ABCA10: variants seen among roughly 807,000 people sequenced by gnomAD.
The protein encoded by ABCA10 is ATP-binding cassette sub-family A member 10.
ABCA10 carries 169 observed loss-of-function variants against 187.5 expected under a neutral mutation model. The ratio of observed to expected loss-of-function variants is 0.90; its 90% CI spans 0.80 to 1.02. The LOEUF (loss-of-function observed/expected upper bound fraction) is 1.02. ABCA10 is among the 50% of genes least tolerant of loss of function. ABCA10 has a pLI of 0.00. For missense variants in ABCA10, 1,727 were observed against 1,812.4 expected (o/e 0.95, Z 0.86); for synonymous variants, 574 against 601.8 (o/e 0.95, Z 0.68).
intron 12 of ABCA10, 100 bp downstream of exon 12, chr17:69,194,285 C>T (rs1328232186): frequency 1.0e-6 from 1 of 995,062 alleles, no homozygotes; most frequent in African/African-American, 1.6e-5. Context: ...AATTATTCAA[C>T]TGTGTAACAA....
chr17:69,197,798 G>T (rs2074517100), intron 10 of ABCA10, among the ~76,000 whole-genome samples: 1 of 152,036 alleles, frequency 6.6e-6, no homozygotes, highest in Non-Finnish European at 1.5e-5. Context: ...CCTTAAATTG[G>T]ATTTTATACT....
chr17:69,189,686 GT>G (rs1381033654), intron 18 of ABCA10, among the ~76,000 whole-genome samples: 1 of 152,076 alleles, frequency 6.6e-6, no homozygotes, highest in Admixed American at 6.5e-5. Flanking sequence ...TCCATCTTGA[GT>G]TTATTTTTGT....
upstream of ABCA10, chr17:69,233,275 CTGAT>C (rs910217057): frequency 1.3e-5 from 2 of 152,016 alleles, no homozygotes; most frequent in African/African-American, 4.8e-5. Flanking sequence ...TTTACCTCCT[CTGAT>C]TATTTCCAAA....
chr17:69,150,492 ACC>A (rs1385908469), intron 36 of ABCA10: 2 of 154,838 alleles, frequency 1.3e-5, no homozygotes, highest in African/African-American at 4.8e-5. Flanking sequence ...TTTTTTCTTG[ACC>A]TTCAGACCCC....
chr17:69,239,038 C>A (rs1238112857), intron 1 of ABCA10, among the ~76,000 whole-genome samples: 1 of 152,170 alleles, frequency 6.6e-6, no homozygotes, highest in Non-Finnish European at 1.5e-5. Context: ...AAAACTAAAG[C>A]AGTGAAAACA....
At chr17:69,174,218 T>C in intron 25 of ABCA10, 63 bp downstream of exon 25, 1 of 1,243,504 alleles carries the variant, frequency 8.0e-7, no homozygotes, top group Non-Finnish European at 1.1e-6. Flanking sequence ...TATACTTAAA[T>C]TTGCATTTAA....
chr17:69,194,021 C>A (rs374485898), intron 12 of ABCA10, 32 bp from the exon 13 acceptor site: 15 of 1,529,640 alleles, frequency 9.8e-6, no homozygotes, highest in Non-Finnish European at 1.3e-5. Context: ...GCTTTACTGC[C>A]AGAATGTTAA....
At position 69,182,558 on chromosome 17, in the gene ABCA10, T is replaced by C. The variant is rs965772949; in HGVS notation, c.2631+117A>G. ...GTGACAAAGAAAGTTTCAAGCCTCC[T>C]CTAATATGATGCCAATTTAGAAAAC... On this transcript the variant is annotated intron_variant, in intron 21 of 38. Transcript: ENST00000690296. The C allele has an allele frequency of 9.3e-6, 12 of 1,294,560 alleles. No individual in the cohort carries two copies. In the African/African-American group the frequency reaches 1.8e-4, roughly 20 times the overall value. 80.2% of individuals were successfully genotyped at this position (1,294,560 alleles called of 1,614,324 possible).
At chr17:69,178,532 G>C (rs138097630) in intron 22 of ABCA10, among the ~76,000 whole-genome samples, 1 of 152,156 alleles carries the variant, frequency 6.6e-6, no homozygotes, top group Non-Finnish European at 1.5e-5. Flanking sequence ...GGTGATACTA[G>C]TGTATGTTAA....
intron 26 of ABCA10, among the ~76,000 whole-genome samples, 169 bp downstream of exon 26, chr17:69,164,795 C>A (rs1476237783): frequency 6.6e-6 from 1 of 152,100 alleles, no homozygotes; most frequent in Non-Finnish European, 1.5e-5. Flanking sequence ...GTGATCTCAG[C>A]AAATTTGACA....
intron 3 of ABCA10, among the ~76,000 whole-genome samples, chr17:69,224,039 G>A (rs967003747): frequency 6.6e-6 from 1 of 152,088 alleles, no homozygotes; most frequent in Admixed American, 6.6e-5. Context: ...TCAACACTGT[G>A]GTCAGGCAGA....
chr17:69,226,229 G>A (rs562402096), intron 2 of ABCA10, among the ~76,000 whole-genome samples: 1 of 152,106 alleles, frequency 6.6e-6, no homozygotes, highest in East Asian at 1.9e-4. Flanking sequence ...AAGCAAAGAT[G>A]GCAAGATGTT....
Position 69,225,582 on chromosome 17 carries a change from G to A in ABCA10, c.-171-53C>T, listed in dbSNP as rs1248503627. On this transcript the variant is annotated intron_variant, in intron 2 of 38. Coordinates refer to ENST00000690296, the MANE Select transcript of ABCA10 (RefSeq NM_001377321.1). ...ATGTTATAACGTGGTCCAGACCAGT[G>A]AGAAACATCCAAACACATTTTTAAG... 9.3e-6 allele frequency: 4 copies of A among 430,512 alleles called. No homozygotes were observed. The East Asian group carries it at 1.0e-4, about 11-fold the overall frequency. 26.7% of individuals were successfully genotyped at this position (430,512 alleles called of 1,614,324 possible). A position where few individuals can be genotyped will look rare whatever the true frequency, so the allele number is the denominator to read the frequency against.
At chr17:69,233,436 A>C (rs2074844532), upstream of ABCA10, 1 of 152,044 alleles carries the variant, frequency 6.6e-6, no homozygotes, top group Non-Finnish European at 1.5e-5. Context: ...AATCTTCATT[A>C]AATTATCTGA....
intron 1 of ABCA10, among the ~76,000 whole-genome samples, chr17:69,241,153 C>T (rs936521587): frequency 4.6e-5 from 7 of 152,186 alleles, no homozygotes; most frequent in South Asian, 2.1e-4. Context: ...GTAGAAGATA[C>T]GTTCAGAGAC....
At position 69,170,019 on chromosome 17, in the gene ABCA10, G is replaced by A. The variant is rs1312812260; in HGVS notation, c.3162+4262C>T. On this transcript the variant is annotated intron_variant, in intron 25 of 38. Coordinates refer to ENST00000690296, the MANE Select transcript of ABCA10 (RefSeq NM_001377321.1). ...GTTGGATTTTCTGGCCGGGCACGGT[G>A]GTTCAATCCTGTAATCCTAACACTT... is the stretch of plus-strand genomic sequence containing the variant. Among the ~76,000 whole-genome samples the A allele has an allele frequency of 2.6e-5, 4 of 152,228 alleles. No homozygotes were observed. In the East Asian group the frequency reaches 7.7e-4, roughly 29 times the overall value.
intron 1 of ABCA10, among the ~76,000 whole-genome samples, chr17:69,242,446 G>C (rs1344713139): frequency 2.0e-5 from 3 of 152,044 alleles, no homozygotes; most frequent in African/African-American, 7.2e-5. Context: ...TGCAACCCAG[G>C]TGAGGAATTC....
intron 22 of ABCA10, among the ~76,000 whole-genome samples, chr17:69,177,974 A>ATATATATATATATATATGT (rs1568057385): frequency 9.9e-6 from 1 of 100,828 alleles, no homozygotes; most frequent in African/African-American, 3.9e-5. Flanking sequence ...AAAAAAAAAA[A>ATATATATATATATATATGT]TATATATATA....
intron 9 of ABCA10, among the ~76,000 whole-genome samples, chr17:69,202,154 G>C (rs903070028): frequency 6.6e-6 from 1 of 152,118 alleles, no homozygotes. Context: ...TAAGTTATCA[G>C]CTATGATTGA....
Sources: gnomAD v4.1 joint callset for allele counts (sites outside exome capture counted in the v4.1 genomes callset) on GRCh38, gnomAD v4.1.1 for gene constraint, MANE v1.5 for transcripts, NCBI Gene and HGNC (gene_info 2026-07-23, HGNC 2026-07-21) for gene names.